Variants in DPYSL5 observed in about 807,000 individuals in gnomAD.
The protein encoded by DPYSL5 is dihydropyrimidinase like 5, also known as dihydropyrimidinase-related protein 5.
In DPYSL5, 9 loss-of-function variants were observed where a neutral mutation model predicts 58.4. The ratio of observed to expected loss-of-function variants is 0.15; its 90% CI spans 0.09 to 0.27. DPYSL5 has a LOEUF of 0.27. Among genes scored for constraint, DPYSL5 ranks in the 10% least tolerant of loss-of-function variants. The pLI, the probability that DPYSL5 is intolerant of heterozygous loss-of-function variation, is 1.00. For missense variants in DPYSL5, 499 were observed against 770.6 expected (o/e 0.65, Z 4.17); for synonymous variants, 293 against 301.9 (o/e 0.97, Z 0.31).
chr2:26,901,865 C>T (rs991576951), intron 2 of DPYSL5, among the ~76,000 whole-genome samples: 17 of 149,798 alleles, frequency 1.1e-4, no homozygotes, highest in Admixed American at 8.7e-4. Flanking sequence ...CTGGCCTTTC[C>T]GAGAACATCT....
At chr2:26,891,798 G>A (rs909724667) in intron 1 of DPYSL5, among the ~76,000 whole-genome samples, 2 of 151,982 alleles carry the variant, frequency 1.3e-5, no homozygotes, top group African/African-American at 4.8e-5. Context: ...TCAGTTTCCT[G>A]AGTAGCTGGG....
rs972638336 is a variant in DPYSL5, at chr2:26,942,887, G to C, written c.1440+137G>C. On this transcript the variant is annotated intron_variant, in intron 11 of 12. Coordinates refer to ENST00000288699, the MANE Select transcript of DPYSL5 (RefSeq NM_020134.4). The surrounding 1 kb of genome is among the most constrained non-coding windows in gnomAD (Gnocchi z 5.9). ...CATTGCACTTTCTCCAGCGTTGAGA[G>C]GGGAGTGTGCGGCAGCGCCAGGGAA... 4 of 1,013,636 alleles carry C rather than the reference G, an allele frequency of 3.9e-6. No individual in the cohort carries two copies. Among genetic ancestry groups the C allele is most frequent in the Non-Finnish European group, 5.7e-6 (4 of 696,446 alleles). The allele number at this position is 1,013,636 out of a possible 1,614,324, so 62.8% of individuals were successfully genotyped here.
Position 26,947,440 on chromosome 2 carries a change from C to T in DPYSL5, c.*445C>T, listed in dbSNP as rs1213739974. ...GCCTCCTCCCCCACCCCTTAGGCCC[C>T]GTGGTGACATTTCCCAAGTCAGACA... is the stretch of plus-strand genomic sequence containing the variant. On this transcript the variant is annotated 3_prime_UTR_variant, in exon 13 of 13. Transcript: ENST00000288699. The surrounding 1 kb of genome is among the most constrained non-coding windows in gnomAD (Gnocchi z 4.2). 1.9e-5 allele frequency: 3 copies of T among 156,242 alleles called. No homozygotes were observed. Among genetic ancestry groups the T allele is most frequent in the East Asian group, 3.7e-4 (2 of 5,350 alleles). The allele number at this position is 156,242 out of a possible 1,614,324, so 9.7% of individuals were successfully genotyped here.
At chr2:26,917,432 G>A (rs891034126) in intron 2 of DPYSL5, among the ~76,000 whole-genome samples, 14 of 152,224 alleles carry the variant, frequency 9.2e-5, no homozygotes, top group East Asian at 3.9e-4. Context: ...TGTAGCCAGA[G>A]GGACAGAGAG....
intron 1 of DPYSL5, among the ~76,000 whole-genome samples, chr2:26,866,976 C>T (rs1454529528): frequency 6.6e-6 from 1 of 151,952 alleles, no homozygotes; most frequent in Non-Finnish European, 1.5e-5. Flanking sequence ...TCAAATGATT[C>T]GCATGCCTCG....
At chr2:26,889,275 C>CT (rs57812800) in intron 1 of DPYSL5, among the ~76,000 whole-genome samples, 1,862 of 145,904 alleles carry the variant, frequency 0.013, 44 homozygotes, top group African/African-American at 0.042. Flanking sequence ...GCTTATACTT[C>CT]TTTTTTTTTT....
At position 26,898,748 on chromosome 2, in the gene DPYSL5, C is replaced by T. The variant is rs1664079781; in HGVS notation, c.249C>T (p.Tyr83=). Residue 83 remains tyrosine, a synonymous_variant, in exon 2 of 13, where the codon TAC becomes TAT. Transcript: ENST00000288699. This position sits in a 1 kb window ranked among gnomAD's most constrained non-coding sequence, Gnocchi z 6.1. ...ATGCCACGTGCGTGGACGACTTCTA[C>T]CATGGGACCAAGGTAATGCTCCTGT... ...FMNATCVDDF[Y]HGTKAALVGG... is the part of the protein sequence containing the mutation. The T allele has an allele frequency of 6.2e-7, 1 of 1,610,058 alleles. No homozygotes were observed. The highest frequency in any genetic ancestry group is 8.5e-7 in the Non-Finnish European group (1 of 1,177,108).
At chr2:26,881,265 C>G (rs555936827) in intron 1 of DPYSL5, among the ~76,000 whole-genome samples, 1 of 152,128 alleles carries the variant, frequency 6.6e-6, no homozygotes. Context: ...AATCCAGATG[C>G]GATCAGCCTA....
Position 26,947,009 on chromosome 2 carries a change from C to A in DPYSL5, c.*14C>A, listed in dbSNP as rs1281451223. On this transcript the variant is annotated 3_prime_UTR_variant, in exon 13 of 13. Coordinates refer to ENST00000288699, the MANE Select transcript of DPYSL5 (RefSeq NM_020134.4). The surrounding 1 kb of genome is among the most constrained non-coding windows in gnomAD (Gnocchi z 4.2). ...GGCATTTGGTAAAGGCATTGCCAAG[C>A]CCCCCGAGTGAGGACGCACCGCCGC... The A allele has an allele frequency of 1.9e-6, 3 of 1,597,184 alleles. No individual in the cohort carries two copies. Among genetic ancestry groups the A allele is most frequent in the Non-Finnish European group, 2.6e-6 (3 of 1,166,006 alleles).
At chr2:26,870,883 A>G (rs1324411726) in intron 1 of DPYSL5, among the ~76,000 whole-genome samples, 1 of 152,130 alleles carries the variant, frequency 6.6e-6, no homozygotes, top group Non-Finnish European at 1.5e-5. Flanking sequence ...GTTAATAGTT[A>G]ATACATTTCC....
intron 1 of DPYSL5, among the ~76,000 whole-genome samples, chr2:26,895,784 T>C (rs1376486151): frequency 1.4e-5 from 2 of 142,820 alleles, no homozygotes; most frequent in Non-Finnish European, 3.1e-5. Flanking sequence ...TCTTTTTTTT[T>C]TTTTTTTTTT....
intron 1 of DPYSL5, among the ~76,000 whole-genome samples, chr2:26,858,573 ATT>A (rs746187290): frequency 4.5e-5 from 6 of 134,704 alleles, no homozygotes; most frequent in Admixed American, 7.5e-5. Flanking sequence ...ATAGGATTTA[ATT>A]TTTTTTTTTT....
Position 26,896,598 on chromosome 2 carries a change from C to A in DPYSL5, c.-4-1898C>A, listed in dbSNP as rs561174319. 2.0e-5 allele frequency among the ~76,000 whole-genome samples: 3 copies of A among 152,238 alleles called. No individual in the cohort carries two copies. In the South Asian group the frequency reaches 6.2e-4, roughly 32 times the overall value. On this transcript the variant is annotated intron_variant, in intron 1 of 12. Coordinates refer to ENST00000288699, the MANE Select transcript of DPYSL5 (RefSeq NM_020134.4). ...ATTCTAACAGGTGTGTGGTGATAAT[C>A]TCATTGTGGTTTTAACTTGTACTTT... is the stretch of plus-strand genomic sequence containing the variant.
At chr2:26,884,919 C>G (rs1663675248) in intron 1 of DPYSL5, among the ~76,000 whole-genome samples, 2 of 152,172 alleles carry the variant, frequency 1.3e-5, no homozygotes, top group Admixed American at 1.3e-4. Context: ...TCTCAGGAGG[C>G]CGGGCATGGT....
At chr2:26,931,203 G>GTATATATATATTTATATATATATA in intron 5 of DPYSL5, among the ~76,000 whole-genome samples, 1 of 44,910 alleles carries the variant, frequency 2.2e-5, no homozygotes, top group Non-Finnish European at 4.3e-5. Context: ...GTGTGTGTGT[G>GTATATATATATTTATATATATATA]TATATATATA....
At chr2:26,870,960 A>G (rs1663247618) in intron 1 of DPYSL5, among the ~76,000 whole-genome samples, 1 of 152,196 alleles carries the variant, frequency 6.6e-6, no homozygotes, top group Admixed American at 6.5e-5. Flanking sequence ...TTTAAATTAA[A>G]ATGAAATAAA....
intron 1 of DPYSL5, among the ~76,000 whole-genome samples, chr2:26,863,571 C>T (rs567260462): frequency 5.9e-5 from 9 of 152,308 alleles, no homozygotes; most frequent in African/African-American, 1.9e-4. Context: ...AACTTTCATA[C>T]CATAGAGTTC....
intron 1 of DPYSL5, among the ~76,000 whole-genome samples, chr2:26,866,319 GT>G (rs1167621296): frequency 6.6e-6 from 1 of 152,182 alleles, no homozygotes; most frequent in East Asian, 1.9e-4. Flanking sequence ...GGTGAGTATA[GT>G]TTTCCCCTGA....
chr2:26,892,675 A>AG (rs1040491919), intron 1 of DPYSL5, among the ~76,000 whole-genome samples: 4 of 151,882 alleles, frequency 2.6e-5, no homozygotes, highest in Non-Finnish European at 5.9e-5. Context: ...TAAAAAAAAA[A>AG]AACAAAAACA....
Sources: allele counts gnomAD v4.1 joint callset (sites outside exome capture counted in the v4.1 genomes callset), GRCh38; gene constraint gnomAD v4.1.1; non-coding constraint Gnocchi (gnomAD v3.1); transcripts MANE v1.5; gene names NCBI Gene and HGNC (gene_info 2026-07-23, HGNC 2026-07-21).